The following FAM168A variants were observed in gnomAD, a reference collection of about 807,000 sequenced individuals.
FAM168A encodes the protein family with sequence similarity 168 member A.
Under a neutral mutation model 28.5 loss-of-function variants are expected in FAM168A, and 3 were observed. The ratio of observed to expected loss-of-function variants is 0.11; its 90% confidence interval spans 0.05 to 0.27. FAM168A has a LOEUF of 0.27. Among genes scored for constraint, FAM168A ranks in the 10% least tolerant of loss-of-function variants. FAM168A has a pLI of 1.00. For synonymous variants in FAM168A, 122 were observed against 124.2 expected (o/e 0.98, Z 0.12); for missense variants, 222 against 311.5 (o/e 0.71, Z 2.16).
At chr11:73,436,489 AC>A (rs1362067021) in intron 2 of FAM168A, among the ~76,000 whole-genome samples, 2 of 130,628 alleles carry the variant, frequency 1.5e-5, no homozygotes, top group Non-Finnish European at 3.3e-5. Flanking sequence ...CCTGCAAATG[AC>A]CCCCTAGGGT....
chr11:73,597,712 GC>G (rs1456685993), intron 1 of FAM168A, among the ~76,000 whole-genome samples: 1 of 138,666 alleles, frequency 7.2e-6, no homozygotes, highest in African/African-American at 2.7e-5. Flanking sequence ...CTCCCTTGTC[GC>G]CCGCCCCCCA....
chr11:73,577,793 C>A (rs141095660), intron 1 of FAM168A, among the ~76,000 whole-genome samples: 1 of 152,302 alleles, frequency 6.6e-6, no homozygotes, highest in East Asian at 1.9e-4. Context: ...ATGCAAAAAC[C>A]TGCTGTGGAG....
At chr11:73,431,712 A>G (rs1866997685) in intron 2 of FAM168A, among the ~76,000 whole-genome samples, 1 of 152,228 alleles carries the variant, frequency 6.6e-6, no homozygotes, top group African/African-American at 2.4e-5. Context: ...AACCAGCTCC[A>G]GCTCACTACA....
intron 1 of FAM168A, among the ~76,000 whole-genome samples, chr11:73,470,068 T>C (rs576346485): frequency 6.6e-6 from 1 of 152,056 alleles, no homozygotes; most frequent in South Asian, 2.1e-4. Context: ...CGTGCCACCA[T>C]GCCTGGCTAA....
At chr11:73,493,463 A>C (rs1002804005) in intron 1 of FAM168A, among the ~76,000 whole-genome samples, 1 of 152,188 alleles carries the variant, frequency 6.6e-6, no homozygotes, top group African/African-American at 2.4e-5. Flanking sequence ...CCCAAGCTGG[A>C]CAGCAGTGGT....
intron 1 of FAM168A, among the ~76,000 whole-genome samples, chr11:73,481,682 G>T (rs1228316483): frequency 1.3e-5 from 2 of 152,090 alleles, no homozygotes; most frequent in African/African-American, 4.8e-5. Flanking sequence ...AAATATTGGG[G>T]CTCCTCTTCA....
At chr11:73,557,956 C>A (rs1943909616) in intron 1 of FAM168A, among the ~76,000 whole-genome samples, 1 of 152,094 alleles carries the variant, frequency 6.6e-6, no homozygotes, top group South Asian at 2.1e-4. Context: ...GGTGCTTGGA[C>A]AACTGAATAT....
intron 2 of FAM168A, among the ~76,000 whole-genome samples, chr11:73,456,245 A>T (rs1179643390): frequency 2.0e-5 from 3 of 152,220 alleles, no homozygotes; most frequent in African/African-American, 4.8e-5. Context: ...ACCTTAAATA[A>T]AATCTCTCCA....
At chr11:73,418,548 G>A (rs1334280180) in intron 4 of FAM168A, among the ~76,000 whole-genome samples, 2 of 152,048 alleles carry the variant, frequency 1.3e-5, no homozygotes, top group African/African-American at 4.8e-5. Context: ...AACAACACAA[G>A]AACAGACTAA....
chr11:73,400,575 G>C lies in FAM168A; in HGVS notation c.*6188C>G, dbSNP rs1866387429. On this transcript the variant is annotated 3_prime_UTR_variant, in exon 8 of 8. Coordinates refer to ENST00000356467, the MANE Select transcript of FAM168A (RefSeq NM_015159.3). ...ACTGTGCTCCCACATCACACACTTAGGGTGGGTGCTGAAGTTGCCACTTAA... is the reference window on the plus strand; with the variant it reads ...ACTGTGCTCCCACATCACACACTTACGGTGGGTGCTGAAGTTGCCACTTAA... 1 of 152,222 alleles carries C rather than the reference G, an allele frequency of 6.6e-6. No homozygotes were observed. The highest frequency in any genetic ancestry group is 6.5e-5 in the Admixed American group (1 of 15,282). The allele number at this position is 152,222 out of a possible 1,614,324, so 9.4% of individuals were successfully genotyped here. A position where few individuals can be genotyped will look rare whatever the true frequency, so the allele number is the denominator to read the frequency against.
intron 1 of FAM168A, among the ~76,000 whole-genome samples, chr11:73,590,852 A>C (rs1016238583): frequency 6.6e-5 from 10 of 152,060 alleles, no homozygotes; most frequent in African/African-American, 2.2e-4. Flanking sequence ...TAGGTTGAAG[A>C]CTACTGATTA....
Position 73,401,079 on chromosome 11 carries a change from G to T in FAM168A, c.*5684C>A, listed in dbSNP as rs1045228077. On this transcript the variant is annotated 3_prime_UTR_variant, in exon 8 of 8. Coordinates refer to ENST00000356467, the MANE Select transcript of FAM168A (RefSeq NM_015159.3). ...ACTACTTGGAAGACACTGGTCAAAG[G>T]TTTATTATTATTATTATTATTATTA... The T allele has an allele frequency of 8.2e-6, 1 of 121,800 alleles. No homozygotes were observed. The allele number at this position is 121,800 out of a possible 1,614,324, so 7.5% of individuals were successfully genotyped here. A position where few individuals can be genotyped will look rare whatever the true frequency, so the allele number is the denominator to read the frequency against.
chr11:73,488,050 G>C (rs1052321243), intron 1 of FAM168A, among the ~76,000 whole-genome samples: 23 of 152,010 alleles, frequency 1.5e-4, no homozygotes, highest in Non-Finnish European at 3.1e-4. Context: ...TATAGGTCTT[G>C]GGAGTAGGAA....
intron 1 of FAM168A, among the ~76,000 whole-genome samples, chr11:73,540,631 G>T (rs1459869257): frequency 1.1e-4 from 16 of 152,046 alleles, no homozygotes; most frequent in Non-Finnish European, 1.3e-4. Flanking sequence ...TCTTCTCATG[G>T]CTTACTACTT....
chr11:73,567,425 G>C (rs185893682), intron 1 of FAM168A, among the ~76,000 whole-genome samples: 1 of 152,232 alleles, frequency 6.6e-6, no homozygotes, highest in Non-Finnish European at 1.5e-5. Flanking sequence ...TAGCAAAATG[G>C]TTATACCACT....
intron 2 of FAM168A, 101 bp from the exon 3 acceptor site, chr11:73,430,871 A>C (rs1866978654): frequency 2.1e-6 from 2 of 941,386 alleles, no homozygotes; most frequent in Non-Finnish European, 3.1e-6. Flanking sequence ...AATAGAATCC[A>C]AGTCCTAGGT....
At chr11:73,586,854 A>G (rs890066043) in intron 1 of FAM168A, among the ~76,000 whole-genome samples, 2 of 152,188 alleles carry the variant, frequency 1.3e-5, no homozygotes, top group Non-Finnish European at 2.9e-5. Flanking sequence ...CCTTAACCAC[A>G]AAGTGGAGAA....
chr11:73,481,761 T>G (rs941572612), intron 1 of FAM168A, among the ~76,000 whole-genome samples: 1 of 152,224 alleles, frequency 6.6e-6, no homozygotes, highest in African/African-American at 2.4e-5. Flanking sequence ...GTCTGTGGCA[T>G]GGCATCTGCT....
chr11:73,491,769 C>G (rs1227213926), intron 1 of FAM168A, among the ~76,000 whole-genome samples: 1 of 152,210 alleles, frequency 6.6e-6, no homozygotes, highest in East Asian at 1.9e-4. Context: ...CAAGCCAGAT[C>G]TCCAAACTGA....
Sources: gnomAD v4.1 joint callset for allele counts (sites outside exome capture counted in the v4.1 genomes callset) on GRCh38, gnomAD v4.1.1 for gene constraint, MANE v1.5 for transcripts, NCBI Gene and HGNC (gene_info 2026-07-23, HGNC 2026-07-21) for gene names.